Variants in ZNF687 observed in about 807,000 individuals in gnomAD.
ZNF687 encodes zinc finger protein 687.
A neutral mutation model predicts 71.8 loss-of-function variants in ZNF687; 13 were observed. That is an observed-to-expected ratio of 0.18 (90% CI 0.12 to 0.29). ZNF687 has a LOEUF of 0.29. ZNF687 is among the 10% of genes least tolerant of loss of function. The probability of loss-of-function intolerance (pLI) is 1.00; values close to 1 mark genes in which losing one functional copy is unlikely to be tolerated. For missense variants in ZNF687, 1,412 were observed against 1,625.6 expected (o/e 0.87, Z 2.26); for synonymous variants, 673 against 641.6 (o/e 1.05, Z -0.74).
intron 8 of ZNF687, 49 bp from the exon 9 acceptor site, chr1:151,290,666 G>A (rs1694194429): frequency 1.3e-6 from 2 of 1,575,126 alleles, no homozygotes; most frequent in Admixed American, 1.8e-5. Context: ...GGGGGTGCCA[G>A]GGACAGTAGG....
chr1:151,286,968 G>A lies in ZNF687; in HGVS notation c.677G>A (p.Cys226Tyr). ...PPLGALKQES[C>Y]SPHHPQVLAQ... ...TTGGGGGCCTTGAAGCAGGAGAGCT[G>A]CAGCCCCCATCATCCCCAGGTCCTA... Residue 226 changes from cysteine (C) to tyrosine (Y), a missense_variant, in exon 2 of 9, where the codon TGC (cysteine) becomes TAC (tyrosine). Around this residue, in one of 8 missense-constraint regions of ZNF687, gnomAD observed 490 missense variants for 489.9 expected, o/e 1.00. Coordinates refer to ENST00000336715, the MANE Select transcript of ZNF687 (RefSeq NM_020832.3). 1 of 1,606,886 alleles carries A rather than the reference G, an allele frequency of 6.2e-7. No homozygotes were observed. The highest frequency in any genetic ancestry group is 8.5e-7 in the Non-Finnish European group (1 of 1,175,724).
At chr1:151,282,503 C>T (rs1693757599) in intron 1 of ZNF687, 108 bp downstream of exon 1, 1 of 847,704 alleles carries the variant, frequency 1.2e-6, no homozygotes, top group Non-Finnish European at 1.4e-6. Flanking sequence ...TTCTCCGCGC[C>T]GCCCCCTGGG....
chr1:151,286,133 A>T, intron 1 of ZNF687, 142 bp from the exon 2 acceptor site: 1 of 632,472 alleles, frequency 1.6e-6, no homozygotes, highest in Non-Finnish European at 2.6e-6. Context: ...GCTCTGTAGG[A>T]TTCATGCCGT....
chr1:151,282,239 A>T, upstream of ZNF687: 2 of 1,023,100 alleles, frequency 2.0e-6, no homozygotes, highest in Non-Finnish European at 2.4e-6. Context: ...GAAAACGGGC[A>T]GCCCAGACCT....
Position 151,286,611 on chromosome 1 carries a change from C to T in ZNF687, c.320C>T (p.Ala107Val), listed in dbSNP as rs1023779064. Reference sequence around the variant, plus strand: ...GCTGGAGGCTCAGCAGGAGACGGGGCCCAGGCTGCTGGGGTAACTAAAGAA... The same window carrying T: ...GCTGGAGGCTCAGCAGGAGACGGGGTCCAGGCTGCTGGGGTAACTAAAGAA... ...ALAGGSAGDG[A>V]QAAGVTKEGP... is the part of the protein sequence containing the mutation. The change falls in exon 2 of 9, where the codon GCC becomes GTC. Residue 107 changes from alanine to valine, a missense_variant. Ala to Val is a moderately conservative substitution (Grantham distance 64, BLOSUM62 0). This residue lies in a region of ZNF687 where 490 missense variants were observed against 489.9 expected (regional missense o/e 1.00). Transcript: ENST00000336715. The T allele has an allele frequency of 6.2e-6, 10 of 1,614,212 alleles. No homozygotes were observed. The highest frequency in any genetic ancestry group is 1.6e-4 in the Middle Eastern group (1 of 6,062).
At position 151,287,885 on chromosome 1, in the gene ZNF687, G is replaced by A; in HGVS notation, c.1594G>A (p.Gly532Ser). The A allele has an allele frequency of 6.2e-7, 1 of 1,613,882 alleles. No homozygotes were observed. Among genetic ancestry groups the A allele is most frequent in the Non-Finnish European group, 8.5e-7 (1 of 1,180,028 alleles). ...AEAGLALPPT[G>S]YRCLECGDAF... The stretch of plus-strand genomic sequence containing the variant: ...GGCTGGGCTGGCCCTGCCTCCCACC[G>A]GCTACCGCTGCCTGGAGTGTGGGGA... The change falls in exon 2 of 9, where the codon GGC becomes AGC. Residue 532 changes from glycine (G) to serine (S), a missense_variant. By Grantham distance (56) the Gly-to-Ser change is moderately conservative. Around this residue, in one of 8 missense-constraint regions of ZNF687, gnomAD observed 50 missense variants for 106.6 expected, o/e 0.47. Coordinates refer to ENST00000336715, the MANE Select transcript of ZNF687 (RefSeq NM_020832.3). This position sits in a 1 kb window ranked among gnomAD's most constrained non-coding sequence, Gnocchi z 5.0.
chr1:151,288,510 G>A lies in ZNF687; in HGVS notation c.2116-18G>A. 1.3e-6 allele frequency: 2 copies of A among 1,589,732 alleles called. No individual in the cohort carries two copies. Among genetic ancestry groups the A allele is most frequent in the Non-Finnish European group, 1.7e-6 (2 of 1,164,510 alleles). The stretch of plus-strand genomic sequence containing the variant: ...AGGACACTCCTCACCGACTTTCCTT[G>A]TTTAACCCACTCGACAGGTGTGCCC... On this transcript the variant is annotated intron_variant, in intron 2 of 8. Coordinates refer to ENST00000336715, the MANE Select transcript of ZNF687 (RefSeq NM_020832.3).
upstream of ZNF687, chr1:151,282,289 G>C (rs904663049): frequency 3.0e-6 from 3 of 1,003,182 alleles, no homozygotes; most frequent in African/African-American, 5.2e-5. Context: ...AGGCCGAACC[G>C]GAGAGAAGCA....
Position 151,287,208 on chromosome 1 carries a change from C to G in ZNF687, c.917C>G (p.Ser306Cys). The G allele has an allele frequency of 6.2e-7, 1 of 1,614,186 alleles. No homozygotes were observed. The highest frequency in any genetic ancestry group is 8.5e-7 in the Non-Finnish European group (1 of 1,180,018). Residue 306 changes from serine (S) to cysteine (C), a missense_variant, in exon 2 of 9, where the codon TCT (serine) becomes TGT (cysteine). By Grantham distance (112) the Ser-to-Cys change is moderately radical. Transcript: ENST00000336715. The surrounding 1 kb of genome is among the most constrained non-coding windows in gnomAD (Gnocchi z 5.0). ...KSSPGSPQSP[S>C]SGAEAADEDS... is the part of the protein sequence containing the mutation. Reference sequence around the variant, plus strand: ...TCCCCAGGAAGTCCCCAGAGTCCCTCTAGTGGGGCCGAGGCTGCAGATGAG... The same window carrying G: ...TCCCCAGGAAGTCCCCAGAGTCCCTGTAGTGGGGCCGAGGCTGCAGATGAG...
At chr1:151,281,887 G>GA (rs1693725852), upstream of ZNF687, 2 of 590,274 alleles carry the variant, frequency 3.4e-6, no homozygotes, top group Non-Finnish European at 5.2e-6. Flanking sequence ...TTACATTCGC[G>GA]AAAGTGAACT....
intron 1 of ZNF687, among the ~76,000 whole-genome samples, chr1:151,284,995 G>A (rs1295698389): frequency 6.6e-6 from 1 of 151,776 alleles, no homozygotes; most frequent in African/African-American, 2.4e-5. Flanking sequence ...ATGTTGCCCA[G>A]GGTGGTCTTG....
chr1:151,289,420 C>G lies in ZNF687; in HGVS notation c.2514C>G (p.His838Gln). ...CCATGTGCGACACAGTCTTCACTCA[C>G]AAACCCCTCCTCTCCTCACACTTCG... Reference protein sequence around the residue: ...KCAMCDTVFTHKPLLSSHFDQ... With the variant: ...KCAMCDTVFTQKPLLSSHFDQ... Residue 838 changes from histidine to glutamine, a missense_variant, in exon 5 of 9, where the codon CAC becomes CAG. His to Gln is a conservative substitution (Grantham distance 24, BLOSUM62 0). Coordinates refer to ENST00000336715, the MANE Select transcript of ZNF687 (RefSeq NM_020832.3). The G allele has an allele frequency of 2.5e-6, 4 of 1,614,194 alleles. No homozygotes were observed. The South Asian group carries it at 4.4e-5, about 18-fold the overall frequency.
chr1:151,286,433 G>A lies in ZNF687; in HGVS notation c.142G>A (p.Gly48Arg), dbSNP rs1341961504. The A allele has an allele frequency of 2.5e-6, 4 of 1,613,792 alleles. No individual in the cohort carries two copies. Among genetic ancestry groups the A allele is most frequent in the Non-Finnish European group, 3.4e-6 (4 of 1,179,898 alleles). ...CCCAGGGAAGCCAGAACCAGGTGTA[G>A]GAAGTGAATCTGAAGACACAGCAGC... ...GGPGKPEPGV[G>R]SESEDTAAAS... The change falls in exon 2 of 9, where the codon GGA (glycine) becomes AGA (arginine). Residue 48 changes from glycine to arginine, a missense_variant. Around this residue, in one of 8 missense-constraint regions of ZNF687, gnomAD observed 490 missense variants for 489.9 expected, o/e 1.00. Transcript: ENST00000336715.
chr1:151,283,176 C>T (rs1209144873), intron 1 of ZNF687: 3 of 985,464 alleles, frequency 3.0e-6, no homozygotes, highest in Non-Finnish European at 3.6e-6. Context: ...CCGCCCCCTC[C>T]TCGAAACCCA....
chr1:151,284,327 G>A (rs1693855125), intron 1 of ZNF687: 2 of 948,186 alleles, frequency 2.1e-6, no homozygotes, highest in Admixed American at 6.2e-5. Flanking sequence ...AGAAGGAAGG[G>A]CTGGCTAGGG....
intron 1 of ZNF687, among the ~76,000 whole-genome samples, chr1:151,284,755 A>G (rs587679013): frequency 1.3e-5 from 2 of 150,480 alleles, no homozygotes; most frequent in African/African-American, 4.9e-5. Flanking sequence ...TATGCTCAGA[A>G]TAACCCTATG....
Position 151,286,620 on chromosome 1 carries a change from C to T in ZNF687, c.329C>T (p.Ala110Val), listed in dbSNP as rs751093673. ...GGSAGDGAQA[A>V]GVTKEGPVGP... ...TCAGCAGGAGACGGGGCCCAGGCTG[C>T]TGGGGTAACTAAAGAAGGGCCTGTG... is the stretch of plus-strand genomic sequence containing the variant. Residue 110 changes from alanine (A) to valine (V), a missense_variant, in exon 2 of 9, where the codon GCT becomes GTT. By Grantham distance (64) the Ala-to-Val change is moderately conservative. Around this residue, in one of 8 missense-constraint regions of ZNF687, gnomAD observed 490 missense variants for 489.9 expected, o/e 1.00. Transcript: ENST00000336715. 1.2e-6 allele frequency: 2 copies of T among 1,614,182 alleles called. No homozygotes were observed. The highest frequency in any genetic ancestry group is 2.2e-5 in the South Asian group (2 of 91,086).
chr1:151,284,836 G>C (rs900168078), intron 1 of ZNF687, among the ~76,000 whole-genome samples: 6 of 99,434 alleles, frequency 6.0e-5, no homozygotes, highest in African/African-American at 2.3e-4. Context: ...TTTTGAGACG[G>C]TATCACTCTG....
At chr1:151,290,086 G>A in intron 6 of ZNF687, 36 bp from the exon 7 acceptor site, 3 of 1,613,128 alleles carry the variant, frequency 1.9e-6, no homozygotes, top group Non-Finnish European at 2.5e-6. Flanking sequence ...ACGGGGTCCT[G>A]GAGCCTGGCT....
Sources: allele counts gnomAD v4.1 joint callset (sites outside exome capture counted in the v4.1 genomes callset), GRCh38; gene constraint gnomAD v4.1.1; regional missense constraint gnomAD v4.1.1; non-coding constraint Gnocchi (gnomAD v3.1); transcripts MANE v1.5; gene names NCBI Gene and HGNC (gene_info 2026-07-23, HGNC 2026-07-21).